ITGA6: variants seen among roughly 807,000 people sequenced by gnomAD.
The protein encoded by ITGA6 is integrin subunit alpha 6, also known as integrin alpha-6.
A neutral mutation model predicts 133.6 loss-of-function variants in ITGA6; 63 were observed. The ratio of observed to expected loss-of-function variants is 0.47; its 90% confidence interval spans 0.38 to 0.58. ITGA6 has a LOEUF of 0.58. Ranked by LOEUF, ITGA6 falls within the 20% of genes least tolerant of loss-of-function variation. The pLI, the probability that ITGA6 is intolerant of heterozygous loss-of-function variation, is 0.00. For missense variants in ITGA6, 1,068 were observed against 1,309.4 expected, an observed-to-expected ratio of 0.82 and a Z score of 2.85; for synonymous variants, 434 against 482.0, an observed-to-expected ratio of 0.90 and a Z score of 1.30.
intron 8 of ITGA6, among the ~76,000 whole-genome samples, chr2:172,476,072 T>C (rs1224640418): frequency 6.6e-6 from 1 of 152,186 alleles, no homozygotes; most frequent in Non-Finnish European, 1.5e-5. Flanking sequence ...AAATTAAAAA[T>C]GTCTTTTGAG....
At chr2:172,487,937 C>G (rs769221641) in intron 17 of ITGA6, 24 bp from the exon 18 acceptor site, 3 of 1,602,714 alleles carry the variant, frequency 1.9e-6, no homozygotes. Flanking sequence ...AAATACAACC[C>G]TATTGTTTCC....
chr2:172,501,202 G>A (rs938199831), intron 24 of ITGA6, among the ~76,000 whole-genome samples: 14 of 152,130 alleles, frequency 9.2e-5, no homozygotes, highest in Non-Finnish European at 2.1e-4. Context: ...GAAAATGACA[G>A]CAATCATTCT....
chr2:172,491,188 T>G lies in ITGA6; in HGVS notation c.2779-33T>G. ...GGGGAAGGATTTCTTCAGAACAATGTCTTTTGATGACCATTCTTCTTTTTC... is the reference window on the plus strand; with the variant it reads ...GGGGAAGGATTTCTTCAGAACAATGGCTTTTGATGACCATTCTTCTTTTTC... On this transcript the variant is annotated intron_variant, in intron 21 of 25. Transcript: ENST00000684293. This position sits in a 1 kb window ranked among gnomAD's most constrained non-coding sequence, Gnocchi z 4.4. 1 of 1,463,082 alleles carries G rather than the reference T, an allele frequency of 6.8e-7. No individual in the cohort carries two copies. The highest frequency in any genetic ancestry group is 1.1e-5 in the South Asian group (1 of 88,134). The allele number at this position is 1,463,082 out of a possible 1,614,324, so 90.6% of individuals were successfully genotyped here.
intron 23 of ITGA6, chr2:172,495,615 C>T (rs1342542928): frequency 6.6e-6 from 1 of 152,258 alleles, no homozygotes; most frequent in Non-Finnish European, 1.5e-5. Context: ...CTCTCGCCCT[C>T]CAGAACCACG....
chr2:172,480,734 A>G (rs1045087410), intron 11 of ITGA6: 36 of 152,832 alleles, frequency 2.4e-4, no homozygotes, highest in African/African-American at 8.4e-4. Context: ...AGAAGACATG[A>G]AAAGCACTTT....
chr2:172,501,847 T>C lies in ITGA6; in HGVS notation c.3190T>C (p.Ser1064Pro). The change falls in exon 25 of 26, where the codon TCT becomes CCT. Residue 1064 changes from serine to proline, a missense_variant. Coordinates refer to ENST00000684293, the MANE Select transcript of ITGA6 (RefSeq NM_000210.4). ...YHKAEIHAQP[S>P]DKERLTSDA ...CAAGGCTGAGATCCATGCTCAGCCATCTGATAAAGAGAGGCTTACTTCTGA... is the reference window on the plus strand; with the variant it reads ...CAAGGCTGAGATCCATGCTCAGCCACCTGATAAAGAGAGGCTTACTTCTGA... 6.2e-7 allele frequency: 1 copy of C among 1,611,772 alleles called. No homozygotes were observed. Among genetic ancestry groups the C allele is most frequent in the South Asian group, 1.1e-5 (1 of 91,040 alleles).
intron 20 of ITGA6, 50 bp downstream of exon 20, chr2:172,489,708 C>G: frequency 6.7e-7 from 1 of 1,494,964 alleles, no homozygotes; most frequent in Non-Finnish European, 9.3e-7. Context: ...ATTAGAGAAA[C>G]TAACTTGTTA....
chr2:172,500,199 C>T (rs898758931), intron 24 of ITGA6, among the ~76,000 whole-genome samples: 4 of 151,632 alleles, frequency 2.6e-5, no homozygotes, highest in African/African-American at 9.7e-5. Context: ...AGATTGTATC[C>T]ATTTTAAATA....
At chr2:172,428,899 C>A (rs1683995254) in intron 1 of ITGA6, among the ~76,000 whole-genome samples, 1 of 152,192 alleles carries the variant, frequency 6.6e-6, no homozygotes, top group Admixed American at 6.5e-5. Context: ...GGTATTTTGG[C>A]GCTTAGTCGC....
At chr2:172,479,908 G>T in intron 10 of ITGA6, 82 bp from the exon 11 acceptor site, 1 of 1,071,166 alleles carries the variant, frequency 9.3e-7, no homozygotes, top group Non-Finnish European at 1.5e-6. Flanking sequence ...GCATTGGGGG[G>T]ATTGGAGAGC....
chr2:172,451,489 A>G (rs12052385), intron 1 of ITGA6, among the ~76,000 whole-genome samples: 7,404 of 151,604 alleles, frequency 0.049, 303 homozygotes, highest in East Asian at 0.23. Context: ...GGGAATGCTT[A>G]TGGCAAGCCT....
intron 6 of ITGA6, 144 bp downstream of exon 6, chr2:172,474,409 T>C: frequency 1.3e-6 from 1 of 740,886 alleles, no homozygotes; most frequent in Non-Finnish European, 2.4e-6. Flanking sequence ...ATCTTTATCA[T>C]TTCTATGATG....
rs1687517589 is a variant in ITGA6 at position 172,505,407 on chromosome 2, T to TC, written c.*1340dup. 1 of 152,238 alleles carries TC rather than the reference T, an allele frequency of 6.6e-6. No individual in the cohort carries two copies. The highest frequency in any genetic ancestry group is 2.4e-5 in the African/African-American group (1 of 41,466). 9.4% of individuals were successfully genotyped at this position (152,238 alleles called of 1,614,324 possible). On this transcript the variant is annotated 3_prime_UTR_variant, in exon 26 of 26. Coordinates refer to ENST00000684293, the MANE Select transcript of ITGA6 (RefSeq NM_000210.4). The stretch of plus-strand genomic sequence containing the variant: ...CTGAATCTGCTACCAAAACAGTTAA[T>TC]CAGTGAGTCGATGTTCTATTTTTTG...
Position 172,465,642 on chromosome 2 carries a change from C to G in ITGA6, c.286C>G (p.Arg96Gly). The G allele has an allele frequency of 6.2e-7, 1 of 1,614,236 alleles. No individual in the cohort carries two copies. The change falls in exon 2 of 26, where the codon CGG becomes GGG. Residue 96 changes from arginine (R) to glycine (G), a missense_variant. Physicochemically the swap from Arg to Gly is moderately radical, Grantham distance 125. This residue lies in a region of ITGA6 where 142 missense variants were observed against 145.3 expected (regional missense o/e 0.98). Coordinates refer to ENST00000684293, the MANE Select transcript of ITGA6 (RefSeq NM_000210.4). ...CDITARGPCT[R>G]IEFDNDADPT... ...CATCACCGCCCGGGGGCCATGCACGCGGATCGAGTTTGATAACGATGGTGC... is the reference window on the plus strand; with the variant it reads ...CATCACCGCCCGGGGGCCATGCACGGGGATCGAGTTTGATAACGATGGTGC...
upstream of ITGA6, chr2:172,427,380 T>G: frequency 9.9e-7 from 1 of 1,012,056 alleles, no homozygotes; most frequent in Non-Finnish European, 1.2e-6. Flanking sequence ...GGCGGCGCAG[T>G]GGGGCTGCTT....
chr2:172,431,217 C>T (rs1212071335), intron 1 of ITGA6, among the ~76,000 whole-genome samples: 1 of 152,192 alleles, frequency 6.6e-6, no homozygotes, highest in Non-Finnish European at 1.5e-5. Context: ...TAGAGATCAT[C>T]TAGTCCAACT....
intron 1 of ITGA6, among the ~76,000 whole-genome samples, chr2:172,432,947 C>T (rs1327207982): frequency 6.6e-6 from 1 of 152,148 alleles, no homozygotes; most frequent in Non-Finnish European, 1.5e-5. Context: ...TTTATTTCTT[C>T]AAGGATAGTA....
intron 14 of ITGA6, 23 bp downstream of exon 14, chr2:172,487,161 A>G: frequency 6.5e-7 from 1 of 1,529,074 alleles, no homozygotes; most frequent in Non-Finnish European, 9.1e-7. Flanking sequence ...GTGTAGCACT[A>G]GCAAAAATGA....
intron 1 of ITGA6, among the ~76,000 whole-genome samples, chr2:172,457,569 C>T (rs918565242): frequency 7.9e-5 from 12 of 152,024 alleles, no homozygotes; most frequent in African/African-American, 1.2e-4. Flanking sequence ...TAAATTTAAA[C>T]GATCAAATGT....
Sources: gnomAD v4.1 joint callset for allele counts (sites outside exome capture counted in the v4.1 genomes callset) on GRCh38, gnomAD v4.1.1 for gene constraint, gnomAD v4.1.1 regional missense constraint, Gnocchi (gnomAD v3.1) non-coding constraint, MANE v1.5 for transcripts, NCBI Gene and HGNC (gene_info 2026-07-23, HGNC 2026-07-21) for gene names.